Variants in FOXP1 observed in about 807,000 individuals in gnomAD.
FOXP1 encodes the protein forkhead box P1, also known as forkhead box protein P1.
In FOXP1, 15 loss-of-function variants were observed where a neutral mutation model predicts 98.2. The ratio of observed to expected loss-of-function variants is 0.15; its 90% CI spans 0.10 to 0.24. FOXP1 has a LOEUF of 0.24. FOXP1 is among the 10% of genes least tolerant of loss of function. The probability of loss-of-function intolerance (pLI) is 1.00; values close to 1 mark genes in which losing one functional copy is unlikely to be tolerated. For missense variants in FOXP1, 633 were observed against 848.5 expected, an observed-to-expected ratio of 0.75 and a Z score of 3.15; for synonymous variants, 371 against 314.5, an observed-to-expected ratio of 1.18 and a Z score of -1.90.
intron 7 of FOXP1, among the ~76,000 whole-genome samples, chr3:71,094,866 G>A (rs1188426241): frequency 1.3e-5 from 2 of 152,198 alleles, no homozygotes; most frequent in East Asian, 1.9e-4. Context: ...GCAGACAGAT[G>A]AAGCCTCAGC....
intron 18 of FOXP1, chr3:70,972,287 C>A: frequency 2.8e-6 from 3 of 1,085,258 alleles, no homozygotes; most frequent in African/African-American, 1.6e-5. Flanking sequence ...AAATAAAATG[C>A]AATAAGCATA....
intron 13 of FOXP1, among the ~76,000 whole-genome samples, chr3:70,991,980 A>C (rs1264484102): frequency 6.6e-6 from 1 of 152,192 alleles, no homozygotes; most frequent in Non-Finnish European, 1.5e-5. Flanking sequence ...ACGGGATTTT[A>C]AATTATGAAA....
intron 14 of FOXP1, among the ~76,000 whole-genome samples, chr3:70,981,258 C>A (rs1381883220): frequency 2.8e-5 from 4 of 142,996 alleles, no homozygotes; most frequent in Non-Finnish European, 4.5e-5. Context: ...TTAGCACAAT[C>A]CACAAAGGAA....
At chr3:71,280,040 G>A (rs562530824) in intron 5 of FOXP1, among the ~76,000 whole-genome samples, 11 of 150,154 alleles carry the variant, frequency 7.3e-5, no homozygotes, top group East Asian at 2.0e-4. Context: ...GGAGAATGGC[G>A]TGAACCCGGA....
intron 5 of FOXP1, among the ~76,000 whole-genome samples, chr3:71,222,834 G>A (rs1303550174): frequency 6.6e-6 from 1 of 152,116 alleles, no homozygotes; most frequent in South Asian, 2.1e-4. Context: ...CTCCTTTACC[G>A]ATTATTTCTA....
At chr3:71,552,346 AT>A (rs1386217591) in intron 2 of FOXP1, among the ~76,000 whole-genome samples, 1 of 152,124 alleles carries the variant, frequency 6.6e-6, no homozygotes, top group African/African-American at 2.4e-5. Context: ...CATATTAAAA[AT>A]AACCAGTAAG....
intron 3 of FOXP1, among the ~76,000 whole-genome samples, chr3:71,372,636 C>T (rs2079424814): frequency 6.6e-6 from 1 of 152,184 alleles, no homozygotes; most frequent in Non-Finnish European, 1.5e-5. Context: ...CAATGACTGT[C>T]ACACAGCAGG....
At chr3:71,141,110 T>C (rs1360747059) in intron 6 of FOXP1, among the ~76,000 whole-genome samples, 1 of 151,296 alleles carries the variant, frequency 6.6e-6, no homozygotes, top group Non-Finnish European at 1.5e-5. Context: ...TTACTAAAAT[T>C]ACAAAAAATT....
intron 2 of FOXP1, among the ~76,000 whole-genome samples, chr3:71,497,685 A>G (rs893318249): frequency 1.3e-5 from 2 of 152,156 alleles, no homozygotes; most frequent in Non-Finnish European, 2.9e-5. Context: ...AGAACACTGC[A>G]TTGCTCTCTG....
At chr3:71,408,265 T>G (rs946801263) in intron 3 of FOXP1, among the ~76,000 whole-genome samples, 5 of 152,228 alleles carry the variant, frequency 3.3e-5, no homozygotes, top group African/African-American at 1.2e-4. Context: ...GAAATCAGTT[T>G]CATTGTTTAT....
chr3:71,481,805 C>T (rs1386997371), intron 3 of FOXP1, among the ~76,000 whole-genome samples: 1 of 152,150 alleles, frequency 6.6e-6, no homozygotes, highest in East Asian at 1.9e-4. Flanking sequence ...CTTCCACCAT[C>T]CCTTACTCTA....
At chr3:71,582,008 G>C in intron 1 of FOXP1, 1 of 975,004 alleles carries the variant, frequency 1.0e-6, no homozygotes, top group Non-Finnish European at 1.2e-6. Flanking sequence ...TACGATCACG[G>C]GCGCAAGGTT....
At chr3:71,521,399 C>T (rs1464364845) in intron 2 of FOXP1, among the ~76,000 whole-genome samples, 1 of 151,992 alleles carries the variant, frequency 6.6e-6, no homozygotes, top group Non-Finnish European at 1.5e-5. Flanking sequence ...TGGTGGCAAG[C>T]GCCTGTAATC....
chr3:71,073,011 G>T (rs1318352221), intron 7 of FOXP1, among the ~76,000 whole-genome samples: 1 of 152,172 alleles, frequency 6.6e-6, no homozygotes, highest in African/African-American at 2.4e-5. Context: ...TATTTCAAAT[G>T]GCATTTCATC....
chr3:71,205,877 C>T (rs2063999276), intron 5 of FOXP1, among the ~76,000 whole-genome samples: 3 of 152,144 alleles, frequency 2.0e-5, no homozygotes, highest in Non-Finnish European at 4.4e-5. Flanking sequence ...TTAGAAAACC[C>T]ATGCTTATTT....
intron 6 of FOXP1, among the ~76,000 whole-genome samples, chr3:71,135,122 G>A (rs1017237358): frequency 1.1e-4 from 17 of 151,786 alleles, no homozygotes; most frequent in African/African-American, 3.4e-4. Context: ...AGCTGGGCGC[G>A]GTGATGCGTG....
At chr3:71,084,181 T>C (rs2054761217) in intron 7 of FOXP1, among the ~76,000 whole-genome samples, 1 of 152,176 alleles carries the variant, frequency 6.6e-6, no homozygotes, top group Admixed American at 6.5e-5. Context: ...GCCTGCAACA[T>C]CACTTTGAAA....
chr3:71,322,706 G>C (rs1004479363), intron 4 of FOXP1, among the ~76,000 whole-genome samples: 1 of 152,182 alleles, frequency 6.6e-6, no homozygotes, highest in Non-Finnish European at 1.5e-5. Context: ...CCACAGAGAA[G>C]TCTGGAGAAA....
At chr3:70,960,381 T>C (rs2033075443) in intron 20 of FOXP1, among the ~76,000 whole-genome samples, 1 of 152,036 alleles carries the variant, frequency 6.6e-6, no homozygotes, top group South Asian at 2.1e-4. Flanking sequence ...TGCGATGAGG[T>C]CTGCCAACTT....
Sources: gnomAD v4.1 joint callset for allele counts (sites outside exome capture counted in the v4.1 genomes callset) on GRCh38, gnomAD v4.1.1 for gene constraint, MANE v1.5 for transcripts, NCBI Gene and HGNC (gene_info 2026-07-23, HGNC 2026-07-21) for gene names.